The following PTBP2 variants were observed in gnomAD, a reference collection of about 807,000 sequenced individuals.
PTBP2 encodes the protein polypyrimidine tract binding protein 2.
A neutral mutation model predicts 61.4 loss-of-function variants in PTBP2; 13 were observed. The observed-to-expected ratio is 0.21, with a 90% CI of 0.14 to 0.34. The LOEUF (loss-of-function observed/expected upper bound fraction) is 0.34. Ranked by LOEUF, PTBP2 falls within the 10% of genes least tolerant of loss-of-function variation. The probability of loss-of-function intolerance (pLI) is 1.00; values close to 1 mark genes in which losing one functional copy is unlikely to be tolerated. For missense variants in PTBP2, 405 were observed against 642.6 expected, an observed-to-expected ratio of 0.63 and a Z score of 4.00; for synonymous variants, 215 against 218.5, an observed-to-expected ratio of 0.98 and a Z score of 0.14.
chr1:96,739,056 G>A (rs980518382), intron 2 of PTBP2, among the ~76,000 whole-genome samples: 1 of 152,104 alleles, frequency 6.6e-6, no homozygotes, highest in African/African-American at 2.4e-5. Flanking sequence ...TTTGACAAAT[G>A]CATACAATTT....
chr1:96,731,675 CATT>C (rs1253595701), intron 2 of PTBP2, among the ~76,000 whole-genome samples: 2 of 151,960 alleles, frequency 1.3e-5, no homozygotes, highest in Non-Finnish European at 2.9e-5. Context: ...TCTCATTTTC[CATT>C]ATTTTATAAA....
At chr1:96,800,517 A>G (rs891781917) in intron 8 of PTBP2, among the ~76,000 whole-genome samples, 2 of 150,506 alleles carry the variant, frequency 1.3e-5, no homozygotes, top group African/African-American at 4.9e-5. Flanking sequence ...GGATTGCTGG[A>G]GGCCAGGAGT....
At chr1:96,761,324 A>C (rs190924881) in intron 3 of PTBP2, among the ~76,000 whole-genome samples, 205 of 146,656 alleles carry the variant, frequency 1.4e-3, no homozygotes, top group African/African-American at 5.1e-3. Context: ...TCCATGTAGC[A>C]GGGGCCTAGA....
At chr1:96,772,764 G>C (rs1466219835) in intron 5 of PTBP2, among the ~76,000 whole-genome samples, 2 of 152,082 alleles carry the variant, frequency 1.3e-5, no homozygotes, top group Non-Finnish European at 2.9e-5. Context: ...TATTATTTAA[G>C]TAATTTGCAA....
chr1:96,771,044 T>G (rs1446999508), intron 5 of PTBP2, 193 bp downstream of exon 5: 1 of 431,326 alleles, frequency 2.3e-6, no homozygotes, highest in East Asian at 4.2e-5. Flanking sequence ...AATCCCCTGG[T>G]CAAATGTTCT....
intron 2 of PTBP2, among the ~76,000 whole-genome samples, chr1:96,723,867 C>G (rs538898559): frequency 1.3e-5 from 2 of 152,080 alleles, no homozygotes; most frequent in African/African-American, 2.4e-5. Context: ...TAATATAAAA[C>G]GATACCCCAA....
Position 96,731,748 on chromosome 1 carries a change from TAAG to T in PTBP2, c.39+8157_39+8159del, listed in dbSNP as rs1440371223. Among the ~76,000 whole-genome samples, 5 of 152,160 alleles carry T rather than the reference TAAG, an allele frequency of 3.3e-5. No homozygotes were observed. In the East Asian group the frequency reaches 5.8e-4, roughly 18 times the overall value. The stretch of plus-strand genomic sequence containing the variant: ...TTTTTTGTTAGCTCAGTGAGACTAT[TAAG>T]AAAGAATATTTGTGAGTTTGTAATA... On this transcript the variant is annotated intron_variant, in intron 2 of 13. Coordinates refer to ENST00000674951, the MANE Select transcript of PTBP2 (RefSeq NM_021190.4).
intron 8 of PTBP2, among the ~76,000 whole-genome samples, chr1:96,791,826 C>CTTTTTTTTGTTT (rs1482989030): frequency 6.4e-4 from 42 of 66,104 alleles, no homozygotes; most frequent in South Asian, 1.1e-3. Flanking sequence ...TGGAGTTGTG[C>CTTTTTTTTGTTT]TTTTTTTTTT....
exon 14 of PTBP2, chr1:96,821,352 AT>A (rs1349312038): frequency 6.6e-6 from 1 of 151,910 alleles, no homozygotes; most frequent in Non-Finnish European, 1.5e-5. Flanking sequence ...AAGTAGTTTA[AT>A]TTTTTATATC....
In PTBP2 at chr1:96,749,044, CCT is replaced by C. The variant is rs1654196875; in HGVS notation, c.40-2376_40-2375del. 2.0e-5 allele frequency among the ~76,000 whole-genome samples: 3 copies of C among 152,120 alleles called. No individual in the cohort carries two copies. The South Asian group carries it at 6.2e-4, about 32-fold the overall frequency. On this transcript the variant is annotated intron_variant, in intron 2 of 13. Transcript: ENST00000674951. Reference sequence around the variant, plus strand: ...CTCAGTAATGAAGGCTGTTAAATCTCCTCTCTTAACGGCAGGTATGAAATCAT... The same window carrying C: ...CTCAGTAATGAAGGCTGTTAAATCTCCTCTTAACGGCAGGTATGAAATCAT...
At chr1:96,776,981 G>A (rs780031239) in intron 5 of PTBP2, among the ~76,000 whole-genome samples, 49 of 152,040 alleles carry the variant, frequency 3.2e-4, no homozygotes, top group Non-Finnish European at 6.9e-4. Context: ...ACCATAAAAT[G>A]TATGGGAAAT....
intron 2 of PTBP2, among the ~76,000 whole-genome samples, chr1:96,746,735 G>T (rs1232375015): frequency 2.0e-5 from 3 of 149,558 alleles, no homozygotes; most frequent in Admixed American, 6.7e-5. Context: ...GTGTTTTACA[G>T]TTACTGATTG....
At chr1:96,754,210 G>A (rs1038464691) in intron 3 of PTBP2, among the ~76,000 whole-genome samples, 1 of 152,102 alleles carries the variant, frequency 6.6e-6, no homozygotes, top group Non-Finnish European at 1.5e-5. Flanking sequence ...GAAAAAAAGC[G>A]AATTTCTTTA....
intron 2 of PTBP2, among the ~76,000 whole-genome samples, chr1:96,745,076 A>G (rs1653569820): frequency 1.3e-5 from 2 of 152,136 alleles, no homozygotes; most frequent in African/African-American, 4.8e-5. Context: ...TGAGAATGTT[A>G]TGAAATATAA....
rs1289776507 is a variant in PTBP2, at chr1:96,736,161, C to G, written c.39+12567C>G. Among the ~76,000 whole-genome samples, 7 of 152,252 alleles carry G rather than the reference C, an allele frequency of 4.6e-5. No homozygotes were observed. In the East Asian group the frequency reaches 1.2e-3, roughly 25 times the overall value. On this transcript the variant is annotated intron_variant, in intron 2 of 13. Transcript: ENST00000674951. The stretch of plus-strand genomic sequence containing the variant: ...AAGACACTTTTTGAAACACGTCATT[C>G]TGCCTCCAAAAAAGCAATTTAGGAA...
chr1:96,735,363 A>G (rs185138559), intron 2 of PTBP2, among the ~76,000 whole-genome samples: 14 of 152,352 alleles, frequency 9.2e-5, no homozygotes, highest in African/African-American at 3.1e-4. Context: ...CTTGTCAAGA[A>G]CATACGATTT....
At chr1:96,738,440 A>AT (rs1652533696) in intron 2 of PTBP2, among the ~76,000 whole-genome samples, 1 of 151,906 alleles carries the variant, frequency 6.6e-6, no homozygotes, top group South Asian at 2.1e-4. Flanking sequence ...CACCTGGCTA[A>AT]TTTTTTGTAT....
chr1:96,758,263 A>G (rs1227470053), intron 3 of PTBP2, among the ~76,000 whole-genome samples: 2 of 152,066 alleles, frequency 1.3e-5, no homozygotes, highest in African/African-American at 4.8e-5. Flanking sequence ...TATTATACAA[A>G]TTGGAATTTA....
intron 3 of PTBP2, among the ~76,000 whole-genome samples, chr1:96,757,810 G>A (rs1032844910): frequency 7.9e-5 from 12 of 152,006 alleles, no homozygotes; most frequent in African/African-American, 2.9e-4. Flanking sequence ...TTACACAATC[G>A]TGAACAATAC....
Sources: allele counts gnomAD v4.1 joint callset (sites outside exome capture counted in the v4.1 genomes callset), GRCh38; gene constraint gnomAD v4.1.1; transcripts MANE v1.5; gene names NCBI Gene and HGNC (gene_info 2026-07-23, HGNC 2026-07-21).